Variants in PMFBP1 observed in about 807,000 individuals in gnomAD.
PMFBP1 encodes the protein polyamine modulated factor 1 binding protein 1, also known as polyamine-modulated factor 1-binding protein 1.
In PMFBP1, 131 loss-of-function variants were observed where a neutral mutation model predicts 137.8. The ratio of observed to expected loss-of-function variants is 0.95; its 90% CI spans 0.82 to 1.10. The LOEUF is 1.10. Ranked by LOEUF, PMFBP1 falls within the 50% of genes least tolerant of loss-of-function variation. The pLI is 0.00. For missense variants in PMFBP1, 1,199 were observed against 1,175.4 expected (o/e 1.02, Z -0.29); for synonymous variants, 490 against 450.4 (o/e 1.09, Z -1.11).
chr16:72,246,126 G>A, the PMFBP1 span, among the ~76,000 whole-genome samples: 95 of 152,244 alleles, frequency 6.2e-4, 1 homozygote, highest in East Asian at 0.014. Context: ...CACTCTCATC[G>A]GCTAATAGCA....
intron 5 of PMFBP1, among the ~76,000 whole-genome samples, chr16:72,149,411 T>C (rs149463731): frequency 2.0e-5 from 3 of 152,082 alleles, no homozygotes; most frequent in Admixed American, 1.3e-4. Context: ...TCAAGAATTA[T>C]CCAAAAGAAA....
chr16:72,249,925 A>AC, the PMFBP1 span, among the ~76,000 whole-genome samples: 1 of 149,642 alleles, frequency 6.7e-6, no homozygotes. Context: ...CATCGCAAAA[A>AC]AAAAAAAAAA....
chr16:72,194,226 T>C, the PMFBP1 span, among the ~76,000 whole-genome samples: 1 of 152,220 alleles, frequency 6.6e-6, no homozygotes, highest in Admixed American at 6.5e-5. Flanking sequence ...ACTTCCTAAT[T>C]ATCTATGCTC....
chr16:72,188,810 C>G, the PMFBP1 span, among the ~76,000 whole-genome samples: 7 of 152,026 alleles, frequency 4.6e-5, no homozygotes, highest in African/African-American at 1.7e-4. Flanking sequence ...TGCCCATACT[C>G]CCTAATTTGC....
At chr16:72,166,161 A>G (rs775849920) in intron 2 of PMFBP1, among the ~76,000 whole-genome samples, 11 of 152,156 alleles carry the variant, frequency 7.2e-5, no homozygotes, top group Non-Finnish European at 1.3e-4. Flanking sequence ...CAAGTCCCCA[A>G]CCAAACCTCA....
At chr16:72,146,309 T>C (rs1173456673) in intron 5 of PMFBP1, among the ~76,000 whole-genome samples, 1 of 152,146 alleles carries the variant, frequency 6.6e-6, no homozygotes, top group Non-Finnish European at 1.5e-5. Flanking sequence ...AAAAGGCCTT[T>C]GACAAAATTC....
the PMFBP1 span, among the ~76,000 whole-genome samples, chr16:72,245,131 G>A: frequency 2.1e-4 from 32 of 152,288 alleles, no homozygotes; most frequent in African/African-American, 7.0e-4. Flanking sequence ...GGTAATGTTA[G>A]CACTGGGGGG....
chr16:72,163,150 T>C (rs1268839458), intron 3 of PMFBP1, among the ~76,000 whole-genome samples: 2 of 152,180 alleles, frequency 1.3e-5, no homozygotes, highest in African/African-American at 2.4e-5. Flanking sequence ...GAGGCTAACT[T>C]TGGGTGTCCA....
chr16:72,177,969 G>A (rs555496660), upstream of PMFBP1, among the ~76,000 whole-genome samples: 1 of 152,072 alleles, frequency 6.6e-6, no homozygotes, highest in Non-Finnish European at 1.5e-5. Flanking sequence ...ATGGCACACT[G>A]CAGCCTCGAC....
At chr16:72,215,769 A>G in the PMFBP1 span, among the ~76,000 whole-genome samples, 2 of 152,094 alleles carry the variant, frequency 1.3e-5, no homozygotes, top group African/African-American at 2.4e-5. Flanking sequence ...ACAACAAAAA[A>G]CTCTCATTTG....
Position 72,136,590 on chromosome 16 carries a change from T to G in PMFBP1, c.1061A>C (p.Glu354Ala), listed in dbSNP as rs1195982754. The G allele has an allele frequency of 2.5e-6, 4 of 1,614,058 alleles. No individual in the cohort carries two copies. In the South Asian group the frequency reaches 3.3e-5, roughly 13 times the overall value. ...CTCCCGCAGTCCGTGCAGGTCCAGC[T>G]CCAGCTTCATCATGTCTACCATGGG... ...RNIMKDMMKL[E>A]LDLHGLREET... The change falls in exon 9 of 21, where the codon GAG becomes GCG. Residue 354 changes from glutamate to alanine, a missense_variant. Transcript: ENST00000237353.
At chr16:72,152,170 A>T (rs148546866) in intron 4 of PMFBP1, among the ~76,000 whole-genome samples, 1 of 152,340 alleles carries the variant, frequency 6.6e-6, no homozygotes, top group East Asian at 1.9e-4. Flanking sequence ...CTGTTGAGTG[A>T]ACCCAACCTT....
the PMFBP1 span, among the ~76,000 whole-genome samples, chr16:72,225,576 G>T: frequency 6.6e-6 from 1 of 151,682 alleles, no homozygotes; most frequent in African/African-American, 2.4e-5. Flanking sequence ...AGCCAGGTGT[G>T]GTGGTGCATG....
At chr16:72,226,864 T>C in the PMFBP1 span, among the ~76,000 whole-genome samples, 10 of 152,250 alleles carry the variant, frequency 6.6e-5, no homozygotes, top group African/African-American at 1.2e-4. Flanking sequence ...AAAATGAGCA[T>C]AATAATGCTC....
At chr16:72,185,857 C>A in the PMFBP1 span, among the ~76,000 whole-genome samples, 17,045 of 152,260 alleles carry the variant, frequency 0.11, 1,278 homozygotes, top group Non-Finnish European at 0.17. Context: ...AGCACACACT[C>A]TCTCCAGAGG....
At chr16:72,204,392 G>T in the PMFBP1 span, among the ~76,000 whole-genome samples, 1 of 152,050 alleles carries the variant, frequency 6.6e-6, no homozygotes, top group Non-Finnish European at 1.5e-5. Context: ...TGTGGAGATA[G>T]GGTTTTACTA....
the PMFBP1 span, among the ~76,000 whole-genome samples, chr16:72,193,628 G>A: frequency 2.0e-5 from 3 of 151,420 alleles, no homozygotes; most frequent in Non-Finnish European, 4.4e-5. Flanking sequence ...TTATCCATCT[G>A]TGGATGGAAA....
At chr16:72,146,480 T>C (rs2042808098) in intron 5 of PMFBP1, among the ~76,000 whole-genome samples, 1 of 152,164 alleles carries the variant, frequency 6.6e-6, no homozygotes, top group African/African-American at 2.4e-5. Context: ...AAGGATGCCC[T>C]CTCTCACCAC....
At chr16:72,118,604 T>C (rs1271579605), downstream of PMFBP1, among the ~76,000 whole-genome samples, 1 of 152,236 alleles carries the variant, frequency 6.6e-6, no homozygotes, top group African/African-American at 2.4e-5. Context: ...ACTAGAAATA[T>C]AAATTCTAGA....
Sources: allele counts gnomAD v4.1 joint callset (sites outside exome capture counted in the v4.1 genomes callset), GRCh38; gene constraint gnomAD v4.1.1; transcripts MANE v1.5; gene names NCBI Gene and HGNC (gene_info 2026-07-23, HGNC 2026-07-21).